GFM1: variants seen among roughly 807,000 people sequenced by gnomAD.
GFM1 encodes the protein G elongation factor mitochondrial 1, also known as elongation factor G, mitochondrial.
Under a neutral mutation model 96.2 loss-of-function variants are expected in GFM1, and 62 were observed. The ratio of observed to expected loss-of-function variants is 0.64; its 90% CI spans 0.53 to 0.80. The LOEUF is 0.80. Among genes scored for constraint, GFM1 ranks in the 30% least tolerant of loss-of-function variants. The pLI is 0.00. For synonymous variants in GFM1, 282 were observed against 312.9 expected (o/e 0.90, Z 1.04); for missense variants, 852 against 916.6 (o/e 0.93, Z 0.91).
chr3:158,648,416 C>G (rs1864504), intron 4 of GFM1, among the ~76,000 whole-genome samples: 1 of 151,636 alleles, frequency 6.6e-6, no homozygotes, highest in Non-Finnish European at 1.5e-5. Context: ...CGGTGGCTCA[C>G]ACCTGTAATC....
intron 15 of GFM1, chr3:158,685,404 C>T (rs1328536320): frequency 1.3e-5 from 2 of 152,186 alleles, no homozygotes; most frequent in Non-Finnish European, 2.9e-5. Flanking sequence ...TTAGTAATGT[C>T]CACCGGTGTC....
At position 158,691,546 on chromosome 3, in the gene GFM1, T is replaced by G. The variant is rs1576801653; in HGVS notation, c.*79T>G. On this transcript the variant is annotated 3_prime_UTR_variant, in exon 18 of 18. Coordinates refer to ENST00000486715, the MANE Select transcript of GFM1 (RefSeq NM_024996.7). ...TTTGATGGATTCCAGTGGAATAAAT[T>G]CAGGCTGCTGAAACAAGAAATTCTG... is the stretch of plus-strand genomic sequence containing the variant. The G allele has an allele frequency of 1.3e-6, 2 of 1,522,624 alleles. No individual in the cohort carries two copies. The highest frequency in any genetic ancestry group is 2.8e-5 in the African/African-American group (2 of 72,564). 94.3% of individuals were successfully genotyped at this position (1,522,624 alleles called of 1,614,324 possible).
At chr3:158,671,042 G>A in intron 13 of GFM1, 1 of 1,500,796 alleles carries the variant, frequency 6.7e-7, no homozygotes, top group Non-Finnish European at 8.9e-7. Flanking sequence ...AAATGTAGTG[G>A]AGACAAGAAA....
At chr3:158,655,368 CA>C (rs1249930082) in intron 8 of GFM1, among the ~76,000 whole-genome samples, 1 of 151,980 alleles carries the variant, frequency 6.6e-6, no homozygotes, top group African/African-American at 2.4e-5. Context: ...CCTGTAATCC[CA>C]GCTACTCAGG....
intron 13 of GFM1, among the ~76,000 whole-genome samples, chr3:158,667,821 C>T (rs1210853700): frequency 6.6e-6 from 1 of 152,076 alleles, no homozygotes; most frequent in Non-Finnish European, 1.5e-5. Flanking sequence ...AACCAGAACA[C>T]CTGAGAATAG....
At chr3:158,679,604 C>T (rs555766937) in intron 13 of GFM1, among the ~76,000 whole-genome samples, 2 of 152,226 alleles carry the variant, frequency 1.3e-5, no homozygotes, top group African/African-American at 2.4e-5. Context: ...AAGGCTTTTT[C>T]TAAGAAGTTG....
chr3:158,659,528 A>C (rs963790672), intron 9 of GFM1, among the ~76,000 whole-genome samples: 5 of 152,200 alleles, frequency 3.3e-5, no homozygotes, highest in Non-Finnish European at 7.3e-5. Context: ...CTGTTGTAGA[A>C]CCCACTGCAG....
chr3:158,666,245 G>A, intron 12 of GFM1, 59 bp from the exon 13 acceptor site: 4 of 1,165,906 alleles, frequency 3.4e-6, no homozygotes, highest in Non-Finnish European at 3.8e-6. Flanking sequence ...AGATGCTTAG[G>A]AGGTTTTCTT....
At chr3:158,665,098 T>C (rs766750671) in intron 11 of GFM1, among the ~76,000 whole-genome samples, 1 of 152,188 alleles carries the variant, frequency 6.6e-6, no homozygotes, top group Non-Finnish European at 1.5e-5. Context: ...TCTTGGACTC[T>C]TGTTTTCTAT....
chr3:158,665,609 G>T, intron 12 of GFM1, 135 bp downstream of exon 12: 2 of 743,240 alleles, frequency 2.7e-6, no homozygotes, highest in South Asian at 3.1e-5. Flanking sequence ...TCCAGATGTG[G>T]TCTACTGCTT....
At position 158,673,503 on chromosome 3, in the gene GFM1, C is replaced by CTTTTCT. The variant is rs1560139930; in HGVS notation, c.1601+7122_1601+7127dup. 1.9e-5 allele frequency among the ~76,000 whole-genome samples: 2 copies of CTTTTCT among 104,868 alleles called. 1 individual carries two copies. Among genetic ancestry groups the CTTTTCT allele is most frequent in the Non-Finnish European group, 3.8e-5 (2 of 52,226 alleles). 68.8% of individuals were successfully genotyped at this position (104,868 alleles called of 152,430 possible). On this transcript the variant is annotated intron_variant, in intron 13 of 17. Coordinates refer to ENST00000486715, the MANE Select transcript of GFM1 (RefSeq NM_024996.7). Reference sequence around the variant, plus strand: ...CTGGATTGAGACCTTTTTTTCTTTTCTTTTCTTTTTTTTTTTTTTTTTTTT... The same window carrying CTTTTCT: ...CTGGATTGAGACCTTTTTTTCTTTTCTTTTCTTTTTCTTTTTTTTTTTTTTTTTTTT...
chr3:158,651,418 A>T (rs2108015163), intron 5 of GFM1, among the ~76,000 whole-genome samples: 1 of 152,274 alleles, frequency 6.6e-6, no homozygotes, highest in South Asian at 2.1e-4. Context: ...CTAGTAGGAC[A>T]GCCTTGGGCA....
At chr3:158,673,871 A>G (rs1192436605) in intron 13 of GFM1, among the ~76,000 whole-genome samples, 43 of 152,076 alleles carry the variant, frequency 2.8e-4, no homozygotes, top group Admixed American at 2.8e-3. Flanking sequence ...CTGATTATGT[A>G]GATTCTGCAG....
chr3:158,647,040 T>G, intron 4 of GFM1, 93 bp downstream of exon 4: 16 of 991,970 alleles, frequency 1.6e-5, no homozygotes, highest in Non-Finnish European at 2.3e-5. Context: ...CATTAAACTT[T>G]ATTCTTAAAT....
Position 158,662,615 on chromosome 3 carries a change from A to G in GFM1, c.1324-13A>G, listed in dbSNP as rs1723281227. 1.3e-6 allele frequency: 2 copies of G among 1,543,632 alleles called. No individual in the cohort carries two copies. Among genetic ancestry groups the G allele is most frequent in the South Asian group, 1.1e-5 (1 of 89,640 alleles). On this transcript the variant is annotated splice_polypyrimidine_tract_variant and intron_variant, in intron 10 of 17. Transcript: ENST00000486715. ...TTTTTAATTCTTCTGTTTTCTTTTA[A>G]AAAATATTTTAGGAGTCAATTCATG...
At position 158,645,536 on chromosome 3, in the gene GFM1, C is replaced by T. The variant is rs542214648; in HGVS notation, c.82-93C>T. 4 of 1,083,026 alleles carry T rather than the reference C, an allele frequency of 3.7e-6. No individual in the cohort carries two copies. The South Asian group carries it at 3.9e-5, about 10-fold the overall frequency. 67.1% of individuals were successfully genotyped at this position (1,083,026 alleles called of 1,614,324 possible). On this transcript the variant is annotated intron_variant, in intron 1 of 17. Coordinates refer to ENST00000486715, the MANE Select transcript of GFM1 (RefSeq NM_024996.7). ...AGCTATCTCATATCCAGTGAGATTT[C>T]TTGGAGGAATAATGTCCACCATACT...
At chr3:158,681,886 T>G (rs1471752162) in intron 13 of GFM1, 109 bp from the exon 14 acceptor site, 3 of 944,822 alleles carry the variant, frequency 3.2e-6, no homozygotes, top group Non-Finnish European at 4.9e-6. Flanking sequence ...GACCATCATA[T>G]TCAAATGAAA....
intron 9 of GFM1, among the ~76,000 whole-genome samples, chr3:158,659,461 T>G (rs1309126939): frequency 2.0e-5 from 3 of 152,208 alleles, no homozygotes; most frequent in Non-Finnish European, 4.4e-5. Flanking sequence ...ATTGTTTTAT[T>G]TACCTTCTGA....
chr3:158,666,701 T>A, intron 13 of GFM1: 1 of 1,614,046 alleles, frequency 6.2e-7, no homozygotes, highest in African/African-American at 1.3e-5. Context: ...TTTAGTGCCG[T>A]ATTGTGGATG....
Sources: gnomAD v4.1 joint callset for allele counts (sites outside exome capture counted in the v4.1 genomes callset) on GRCh38, gnomAD v4.1.1 for gene constraint, MANE v1.5 for transcripts, NCBI Gene and HGNC (gene_info 2026-07-23, HGNC 2026-07-21) for gene names.